The following CNTN3 variants were observed in gnomAD, a reference collection of about 807,000 sequenced individuals.
The protein encoded by CNTN3 is contactin-3.
Under a neutral mutation model 119.1 loss-of-function variants are expected in CNTN3, and 60 were observed. The ratio of observed to expected loss-of-function variants is 0.50; its 90% CI spans 0.41 to 0.62. The LOEUF (loss-of-function observed/expected upper bound fraction) is 0.62, where lower values mean the gene tolerates loss of function less well. CNTN3 is among the 20% of genes least tolerant of loss of function. CNTN3 has a pLI of 0.00. For synonymous variants in CNTN3, 450 were observed against 438.7 expected (o/e 1.03, Z -0.32); for missense variants, 1,101 against 1,242.4 (o/e 0.89, Z 1.71).
At position 74,462,287 on chromosome 3, in the gene CNTN3, T is replaced by C. The variant is rs114977846; in HGVS notation, c.358+24169A>G. Among the ~76,000 whole-genome samples the C allele has an allele frequency of 7.2e-3, 1,102 of 152,210 alleles. 13 individuals carry two copies. The highest frequency in any genetic ancestry group is 0.025 in the African/African-American group (1,024 of 41,532). ...TTTCTTTATAAATTACTGTCTCAGGTATTTCCTTATAGCAATGTGAAATAA... is the reference window on the plus strand; with the variant it reads ...TTTCTTTATAAATTACTGTCTCAGGCATTTCCTTATAGCAATGTGAAATAA... On this transcript the variant is annotated intron_variant, in intron 4 of 22. Coordinates refer to ENST00000263665, the MANE Select transcript of CNTN3 (RefSeq NM_020872.3).
chr3:74,317,633 A>T (rs1702868948), intron 13 of CNTN3, among the ~76,000 whole-genome samples: 6 of 150,780 alleles, frequency 4.0e-5, no homozygotes, highest in South Asian at 2.1e-4. Context: ...CTGGGTTGAA[A>T]ATTCTTTTCT....
At chr3:74,438,894 C>A (rs983590990) in intron 4 of CNTN3, among the ~76,000 whole-genome samples, 1 of 152,086 alleles carries the variant, frequency 6.6e-6, no homozygotes, top group Non-Finnish European at 1.5e-5. Context: ...CAATAATTCT[C>A]CTAACTCAAC....
chr3:74,571,415 T>C (rs144250692), intron 1 of CNTN3, among the ~76,000 whole-genome samples: 25 of 152,258 alleles, frequency 1.6e-4, no homozygotes, highest in Non-Finnish European at 2.9e-4. Context: ...GGAGATTAGC[T>C]TAGCGGTACA....
chr3:74,550,345 T>C (rs1703972292), intron 1 of CNTN3, among the ~76,000 whole-genome samples: 1 of 151,932 alleles, frequency 6.6e-6, no homozygotes, highest in African/African-American at 2.4e-5. Context: ...AAAGAAGAGA[T>C]TGGTAGATAA....
chr3:74,358,789 T>G (rs1384508357), intron 11 of CNTN3, among the ~76,000 whole-genome samples: 4 of 116,868 alleles, frequency 3.4e-5, no homozygotes, highest in African/African-American at 1.3e-4. Context: ...GTCCCCAGAG[T>G]GTGATATTCC....
At chr3:74,336,700 A>T (rs952397106) in intron 11 of CNTN3, 42 bp from the exon 12 acceptor site, 2 of 1,478,574 alleles carry the variant, frequency 1.4e-6, no homozygotes, top group Non-Finnish European at 1.8e-6. Flanking sequence ...TATAATAGCC[A>T]TTTTTTTTCC....
At chr3:74,357,022 C>T (rs1026683531) in intron 11 of CNTN3, among the ~76,000 whole-genome samples, 3 of 151,856 alleles carry the variant, frequency 2.0e-5, no homozygotes, top group Non-Finnish European at 4.4e-5. Context: ...CTCTCAGTTT[C>T]ACGCCATTCT....
chr3:74,512,269 A>C (rs1703379318), intron 2 of CNTN3, among the ~76,000 whole-genome samples: 1 of 152,154 alleles, frequency 6.6e-6, no homozygotes, highest in South Asian at 2.1e-4. Context: ...TGGCCTGAAA[A>C]ATAGGATGGA....
intron 18 of CNTN3, 76 bp downstream of exon 18, chr3:74,297,881 C>T (rs562889556): frequency 1.5e-5 from 17 of 1,108,130 alleles, no homozygotes; most frequent in East Asian, 9.6e-5. Flanking sequence ...GAAGTCAAAA[C>T]GAGACTCCAA....
At chr3:74,343,645 A>G (rs988970086) in intron 11 of CNTN3, among the ~76,000 whole-genome samples, 4 of 152,222 alleles carry the variant, frequency 2.6e-5, no homozygotes, top group African/African-American at 9.6e-5. Flanking sequence ...CTTTGCCCCT[A>G]TTGAATGCAG....
In CNTN3 at chr3:74,334,991, T is replaced by A. The variant is rs473333; in HGVS notation, c.1493-81A>T. ...TGCACAGGCAGACTGTTCATCTAAC[T>A]TATACTGTGTATGTCTGTAGATGCA... On this transcript the variant is annotated intron_variant, in intron 12 of 22. Transcript: ENST00000263665. The A allele has an allele frequency of 5.9e-6, 6 of 1,012,694 alleles. No homozygotes were observed. In the African/African-American group the frequency reaches 6.5e-5, roughly 11 times the overall value. The allele number at this position is 1,012,694 out of a possible 1,614,324, so 62.7% of individuals were successfully genotyped here. A position where few individuals can be genotyped will look rare whatever the true frequency, so the allele number is the denominator to read the frequency against.
chr3:74,524,060 G>A (rs2107126137), intron 1 of CNTN3, among the ~76,000 whole-genome samples: 1 of 151,986 alleles, frequency 6.6e-6, no homozygotes, highest in South Asian at 2.1e-4. Context: ...GTCACAGCAT[G>A]GGAACTGGCC....
In CNTN3 at chr3:74,425,548, C is replaced by A. The variant is rs917824604; in HGVS notation, c.359-608G>T. Among the ~76,000 whole-genome samples the A allele has an allele frequency of 2.6e-5, 4 of 152,088 alleles. No homozygotes were observed. The South Asian group carries it at 8.3e-4, about 32-fold the overall frequency. On this transcript the variant is annotated intron_variant, in intron 4 of 22. Transcript: ENST00000263665. ...TGGCATGAACTATCCAAAGACAAAG[C>A]GTGTATCAGAATGAACTAACCAGAC...
At chr3:74,486,361 AC>A (rs1485611894) in intron 4 of CNTN3, 94 bp downstream of exon 4, 1 of 1,094,604 alleles carries the variant, frequency 9.1e-7, no homozygotes, top group Non-Finnish European at 1.3e-6. Flanking sequence ...AATTAATAAA[AC>A]CCATGTATTA....
At chr3:74,499,161 T>C (rs1029259881) in intron 3 of CNTN3, among the ~76,000 whole-genome samples, 10 of 151,828 alleles carry the variant, frequency 6.6e-5, no homozygotes, top group African/African-American at 2.2e-4. Flanking sequence ...TAACTTGATA[T>C]ACATCTAACA....
At chr3:74,466,612 A>C (rs1012438751) in intron 4 of CNTN3, among the ~76,000 whole-genome samples, 12 of 152,134 alleles carry the variant, frequency 7.9e-5, no homozygotes, top group African/African-American at 2.4e-5. Flanking sequence ...AATGTACCTA[A>C]AAATTGTGGG....
intron 1 of CNTN3, among the ~76,000 whole-genome samples, chr3:74,613,104 C>T (rs1705109401): frequency 6.6e-6 from 1 of 152,156 alleles, no homozygotes; most frequent in African/African-American, 2.4e-5. Context: ...GATATAAGCT[C>T]TTTCAAAGGC....
chr3:74,395,475 GA>G (rs1398973026), intron 5 of CNTN3, among the ~76,000 whole-genome samples: 7 of 152,050 alleles, frequency 4.6e-5, no homozygotes, highest in Non-Finnish European at 8.8e-5. Context: ...TATTTATAAA[GA>G]ATTTACGATA....
At chr3:74,445,004 C>A (rs529979211) in intron 4 of CNTN3, among the ~76,000 whole-genome samples, 154 of 152,230 alleles carry the variant, frequency 1.0e-3, no homozygotes, top group African/African-American at 3.5e-3. Flanking sequence ...TTAAATACAG[C>A]TATTTTTCCT....
Sources: gnomAD v4.1 joint callset for allele counts (sites outside exome capture counted in the v4.1 genomes callset) on GRCh38, gnomAD v4.1.1 for gene constraint, MANE v1.5 for transcripts, NCBI Gene and HGNC (gene_info 2026-07-23, HGNC 2026-07-21) for gene names.